The following PKD1L1 variants were observed in gnomAD, a reference collection of about 807,000 sequenced individuals.
PKD1L1 encodes polycystin 1 like 1, transient receptor potential channel interacting.
Under a neutral mutation model 323.4 loss-of-function variants are expected in PKD1L1, and 236 were observed. That is an observed-to-expected ratio of 0.73 (90% CI 0.66 to 0.81). The LOEUF is 0.81. Among genes scored for constraint, PKD1L1 ranks in the 40% least tolerant of loss-of-function variants. The probability of loss-of-function intolerance (pLI) is 0.00; values close to 1 mark genes in which losing one functional copy is unlikely to be tolerated. For synonymous variants in PKD1L1, 1,344 were observed against 1,335.0 expected, an observed-to-expected ratio of 1.01 and a Z score of -0.15; for missense variants, 3,320 against 3,508.0, an observed-to-expected ratio of 0.95 and a Z score of 1.35.
intron 19 of PKD1L1, 22 bp from the exon 20 acceptor site, chr7:47,882,107 A>G (rs755633683): frequency 3.7e-6 from 6 of 1,609,272 alleles, no homozygotes; most frequent in East Asian, 2.2e-5. Flanking sequence ...AACCAAGCCA[A>G]TAGATGTTAA....
intron 26 of PKD1L1, among the ~76,000 whole-genome samples, chr7:47,861,900 A>C (rs1305350016): frequency 1.4e-5 from 2 of 147,696 alleles, no homozygotes; most frequent in African/African-American, 5.0e-5. Flanking sequence ...AAAAAAAAAA[A>C]AAAAAACAAT....
Position 47,866,435 on chromosome 7 carries a change from A to C in PKD1L1, c.4076T>G (p.Leu1359Trp), listed in dbSNP as rs1260097958. 5.6e-6 allele frequency: 9 copies of C among 1,613,480 alleles called. No homozygotes were observed. In the East Asian group the frequency reaches 2.0e-4, roughly 36 times the overall value. Reference protein sequence around the residue: ...QDALISSVCRLAFVDQEEMIG... With the variant: ...QDALISSVCRWAFVDQEEMIG... ...GAGCCATACCTGATCTACAAAAGCCAATCTGCATACTGAAGAAATTAATGC... is the reference window on the plus strand; with the variant it reads ...GAGCCATACCTGATCTACAAAAGCCCATCTGCATACTGAAGAAATTAATGC... The change falls in exon 25 of 57, where the codon TTG (leucine) becomes TGG (tryptophan). Residue 1359 changes from leucine to tryptophan, a missense_variant. Coordinates refer to ENST00000289672, the MANE Select transcript of PKD1L1 (RefSeq NM_138295.5).
intron 56 of PKD1L1, among the ~76,000 whole-genome samples, chr7:47,785,414 G>A (rs548093622): frequency 2.0e-5 from 3 of 152,128 alleles, no homozygotes; most frequent in African/African-American, 7.2e-5. Context: ...AATACTTGAG[G>A]AATGCATGAA....
chr7:47,943,377 TC>T lies in PKD1L1; in HGVS notation c.160+18del. ...ACATTCTTATCATGGTGGCCATGCCTCCTTCCCCAAGGCCTTACCGACCCAC... is the reference window on the plus strand; with the variant it reads ...ACATTCTTATCATGGTGGCCATGCCTCTTCCCCAAGGCCTTACCGACCCAC... On this transcript the variant is annotated intron_variant, in intron 2 of 56. Transcript: ENST00000289672. The T allele has an allele frequency of 6.3e-7, 1 of 1,589,484 alleles. No homozygotes were observed. The highest frequency in any genetic ancestry group is 8.6e-7 in the Non-Finnish European group (1 of 1,158,952).
intron 15 of PKD1L1, among the ~76,000 whole-genome samples, chr7:47,892,029 A>G (rs1036839519): frequency 2.0e-5 from 3 of 152,252 alleles, no homozygotes; most frequent in Non-Finnish European, 4.4e-5. Context: ...CTATTGCTTT[A>G]TAAATAAATA....
chr7:47,885,165 G>A (rs971921206), intron 18 of PKD1L1, among the ~76,000 whole-genome samples: 16 of 152,158 alleles, frequency 1.1e-4, no homozygotes, highest in Admixed American at 3.3e-4. Context: ...GGGAGGCCTG[G>A]AGCACAGCTG....
At chr7:47,867,050 G>A (rs539834158) in intron 24 of PKD1L1, among the ~76,000 whole-genome samples, 43 of 152,320 alleles carry the variant, frequency 2.8e-4, no homozygotes, top group African/African-American at 9.9e-4. Context: ...GCCTATACAT[G>A]AGGTCAAAGG....
chr7:47,858,734 T>C lies in PKD1L1; in HGVS notation c.4301A>G (p.Asn1434Ser), dbSNP rs1785957408. The C allele has an allele frequency of 6.2e-7, 1 of 1,613,862 alleles. No individual in the cohort carries two copies. Among genetic ancestry groups the C allele is most frequent in the African/African-American group, 1.3e-5 (1 of 74,856 alleles). The change falls in exon 27 of 57, where the codon AAC (asparagine) becomes AGC (serine). Residue 1434 changes from asparagine to serine, a missense_variant. Physicochemically the swap from Asn to Ser is conservative, Grantham distance 46. Coordinates refer to ENST00000289672, the MANE Select transcript of PKD1L1 (RefSeq NM_138295.5). ...SRVWEVSEQE[N>S]SKEEVYRHEE... is the part of the protein sequence containing the mutation. ...ATGTCGATAGACTTCCTCCTTCGAG[T>C]TTTCTTGCTCAGAGACTTCCCAGAC...
chr7:47,954,528 G>GGACA, the PKD1L1 span, among the ~76,000 whole-genome samples: 1 of 152,012 alleles, frequency 6.6e-6, no homozygotes, highest in East Asian at 1.9e-4. Context: ...TTCTGCCAGG[G>GGACA]GACAATACAG....
chr7:47,792,515 G>T (rs1435017020), intron 56 of PKD1L1, 112 bp downstream of exon 56: 6 of 1,093,442 alleles, frequency 5.5e-6, no homozygotes, highest in East Asian at 2.4e-5. Context: ...GATATCTAAA[G>T]AATATTTATG....
intron 54 of PKD1L1, 44 bp from the exon 55 acceptor site, chr7:47,796,194 C>T (rs778972514): frequency 2.7e-5 from 39 of 1,465,538 alleles, no homozygotes; most frequent in Non-Finnish European, 3.2e-5. Flanking sequence ...TGTTAGCAGC[C>T]TAAATAAAGA....
chr7:47,808,190 T>C, intron 52 of PKD1L1, 57 bp downstream of exon 52: 1 of 1,586,718 alleles, frequency 6.3e-7, no homozygotes, highest in Non-Finnish European at 8.6e-7. Flanking sequence ...CCTCTGCCTT[T>C]TGGATGGCAT....
At chr7:47,851,815 G>A (rs953907077) in intron 31 of PKD1L1, among the ~76,000 whole-genome samples, 12 of 151,754 alleles carry the variant, frequency 7.9e-5, no homozygotes, top group African/African-American at 2.7e-4. Flanking sequence ...ACTAACCTAA[G>A]CTCATAAAAA....
intron 14 of PKD1L1, among the ~76,000 whole-genome samples, chr7:47,896,898 C>G (rs536747088): frequency 2.0e-5 from 3 of 152,292 alleles, no homozygotes; most frequent in African/African-American, 7.2e-5. Flanking sequence ...CACTAACACT[C>G]TCCCAACATC....
intron 31 of PKD1L1, among the ~76,000 whole-genome samples, chr7:47,850,786 T>C (rs1562958672): frequency 6.6e-6 from 1 of 152,068 alleles, no homozygotes; most frequent in East Asian, 1.9e-4. Flanking sequence ...CTGTAATATA[T>C]CATGTAAGAA....
intron 2 of PKD1L1, among the ~76,000 whole-genome samples, chr7:47,942,540 T>C (rs892950631): frequency 6.6e-6 from 1 of 151,950 alleles, no homozygotes; most frequent in Non-Finnish European, 1.5e-5. Flanking sequence ...CTACCAAATG[T>C]GTAGCCTAAG....
At chr7:47,880,284 A>ATATATTTTTTTTTTTTTT (rs1225214936) in intron 21 of PKD1L1, among the ~76,000 whole-genome samples, 4 of 56,780 alleles carry the variant, frequency 7.0e-5, no homozygotes, top group African/African-American at 2.1e-4. Flanking sequence ...ATATATATAT[A>ATATATTTTTTTTTTTTTT]TTTTTTTTTT....
At chr7:47,900,773 GTTGTTC>G (rs754780254) in intron 13 of PKD1L1, among the ~76,000 whole-genome samples, 43 of 152,056 alleles carry the variant, frequency 2.8e-4, no homozygotes, top group Non-Finnish European at 5.9e-4. Context: ...GGCAACAACA[GTTGTTC>G]AATCAGAGGA....
At chr7:47,884,799 C>T in intron 18 of PKD1L1, 142 bp from the exon 19 acceptor site, 1 of 733,996 alleles carries the variant, frequency 1.4e-6, no homozygotes, top group Non-Finnish European at 2.3e-6. Flanking sequence ...AAAATACCCT[C>T]AGTGGTGGTG....
Sources: allele counts gnomAD v4.1 joint callset (sites outside exome capture counted in the v4.1 genomes callset), GRCh38; gene constraint gnomAD v4.1.1; transcripts MANE v1.5; gene names NCBI Gene and HGNC (gene_info 2026-07-23, HGNC 2026-07-21).